The following SLC4A4 variants were observed in gnomAD, a reference collection of about 807,000 sequenced individuals.
SLC4A4 encodes solute carrier family 4 member 4.
In SLC4A4, 27 loss-of-function variants were observed where a neutral mutation model predicts 111.5. The observed-to-expected ratio is 0.24, with a 90% CI of 0.18 to 0.33. The LOEUF (loss-of-function observed/expected upper bound fraction) is 0.33. Among genes scored for constraint, SLC4A4 ranks in the 10% least tolerant of loss-of-function variants. The probability of loss-of-function intolerance (pLI) is 1.00; values close to 1 mark genes in which losing one functional copy is unlikely to be tolerated. For missense variants in SLC4A4, 909 were observed against 1,315.5 expected, an observed-to-expected ratio of 0.69 and a Z score of 4.78; for synonymous variants, 443 against 463.4, an observed-to-expected ratio of 0.96 and a Z score of 0.57.
chr4:71,371,818 G>A (rs946254300), intron 6 of SLC4A4, among the ~76,000 whole-genome samples: 1 of 152,088 alleles, frequency 6.6e-6, no homozygotes, highest in African/African-American at 2.4e-5. Context: ...GTCTCCTCTG[G>A]TGCAGGTACT....
At chr4:71,468,991 A>G (rs1367438765) in intron 13 of SLC4A4, among the ~76,000 whole-genome samples, 1 of 152,000 alleles carries the variant, frequency 6.6e-6, no homozygotes, top group African/African-American at 2.4e-5. Context: ...AGGTTTTGAT[A>G]TTTGCCCTGT....
intron 4 of SLC4A4, among the ~76,000 whole-genome samples, chr4:71,349,031 A>G (rs1297148929): frequency 6.6e-6 from 1 of 152,178 alleles, no homozygotes; most frequent in African/African-American, 2.4e-5. Flanking sequence ...TTGCTTTCCC[A>G]TTTTCCTTTA....
At chr4:71,392,995 A>G (rs1416347702) in intron 6 of SLC4A4, among the ~76,000 whole-genome samples, 1 of 152,086 alleles carries the variant, frequency 6.6e-6, no homozygotes, top group Non-Finnish European at 1.5e-5. Context: ...TCTCAACAAA[A>G]TTGGCATACA....
chr4:71,211,605 A>G (rs1303566894), intron 1 of SLC4A4, among the ~76,000 whole-genome samples: 7 of 152,324 alleles, frequency 4.6e-5, no homozygotes, highest in South Asian at 2.1e-4. Context: ...CAGCTCCCCA[A>G]TGAATCTGAG....
chr4:71,100,181 G>A (rs887943315), intron 2 of SLC4A4, among the ~76,000 whole-genome samples: 3 of 152,140 alleles, frequency 2.0e-5, no homozygotes, highest in Non-Finnish European at 4.4e-5. Flanking sequence ...TATCCTTGAT[G>A]AATATAGATG....
At chr4:71,242,943 C>T (rs904694078) in intron 2 of SLC4A4, among the ~76,000 whole-genome samples, 39 of 152,154 alleles carry the variant, frequency 2.6e-4, no homozygotes, top group Non-Finnish European at 5.4e-4. Flanking sequence ...CCAAGGCTTA[C>T]TCTCTGTTTG....
At chr4:71,126,959 G>A (rs1743577629) in intron 2 of SLC4A4, among the ~76,000 whole-genome samples, 1 of 152,142 alleles carries the variant, frequency 6.6e-6, no homozygotes, top group African/African-American at 2.4e-5. Context: ...ATTCCTGGAA[G>A]CCATCCTCTA....
intron 3 of SLC4A4, among the ~76,000 whole-genome samples, chr4:71,285,977 A>G (rs1474748038): frequency 2.6e-5 from 4 of 152,122 alleles, no homozygotes; most frequent in African/African-American, 9.7e-5. Context: ...AGTGGTTCAC[A>G]CCTGTAATCC....
At chr4:71,116,868 G>T (rs888894558) in intron 2 of SLC4A4, among the ~76,000 whole-genome samples, 1 of 152,008 alleles carries the variant, frequency 6.6e-6, no homozygotes, top group Non-Finnish European at 1.5e-5. Flanking sequence ...GCTTGAACCC[G>T]GGAGGCGGAG....
intron 3 of SLC4A4, among the ~76,000 whole-genome samples, chr4:71,274,012 C>T (rs1372992273): frequency 6.6e-6 from 1 of 152,112 alleles, no homozygotes; most frequent in African/African-American, 2.4e-5. Flanking sequence ...GGGGCACTGA[C>T]CTAACACCGT....
chr4:71,391,035 C>T (rs998930926), intron 6 of SLC4A4, among the ~76,000 whole-genome samples: 4 of 151,846 alleles, frequency 2.6e-5, no homozygotes, highest in Non-Finnish European at 5.9e-5. Context: ...GTTTGTTATG[C>T]CAACAAAGGA....
intron 1 of SLC4A4, among the ~76,000 whole-genome samples, chr4:71,204,038 T>G (rs1415253660): frequency 6.6e-6 from 1 of 152,130 alleles, no homozygotes; most frequent in African/African-American, 2.4e-5. Context: ...AACCAAGTAG[T>G]TTTTCACCCA....
chr4:71,420,123 A>G (rs1409901641), intron 7 of SLC4A4, among the ~76,000 whole-genome samples: 2 of 152,232 alleles, frequency 1.3e-5, no homozygotes, highest in Non-Finnish European at 2.9e-5. Context: ...AGAATAACCA[A>G]TACAGAGAAG....
At chr4:71,367,092 T>C (rs1251572658) in intron 6 of SLC4A4, among the ~76,000 whole-genome samples, 3 of 152,206 alleles carry the variant, frequency 2.0e-5, no homozygotes, top group Non-Finnish European at 4.4e-5. Flanking sequence ...AGGCTCTGCC[T>C]CAATGGAGGC....
intron 14 of SLC4A4, among the ~76,000 whole-genome samples, chr4:71,484,775 C>T (rs531006047): frequency 6.6e-6 from 1 of 151,778 alleles, no homozygotes; most frequent in East Asian, 1.9e-4. Context: ...AATATTGATT[C>T]GTCTTATCCA....
intron 1 of SLC4A4, among the ~76,000 whole-genome samples, chr4:71,219,403 T>A (rs977991520): frequency 3.3e-5 from 5 of 152,208 alleles, no homozygotes; most frequent in Non-Finnish European, 7.4e-5. Flanking sequence ...TACTGAATAT[T>A]TTAAGCTCAC....
chr4:71,301,900 G>T (rs971151191), intron 3 of SLC4A4, among the ~76,000 whole-genome samples: 1 of 152,218 alleles, frequency 6.6e-6, no homozygotes, highest in Admixed American at 6.5e-5. Flanking sequence ...CTTAGGCAGA[G>T]AATCCTTGTC....
In SLC4A4 at chr4:71,306,758, T is replaced by G. The variant is rs187910592; in HGVS notation, c.254-32612T>G. On this transcript the variant is annotated intron_variant, in intron 3 of 25. Transcript: ENST00000264485. ...TGAGTTCATTTATTAGAGTGCCACT[T>G]CACAAATAACTCAGTTACCTGCAAA... Among the ~76,000 whole-genome samples the G allele has an allele frequency of 8.5e-5, 13 of 152,334 alleles. No homozygotes were observed. The East Asian group carries it at 1.9e-3, about 23-fold the overall frequency.
chr4:71,275,386 C>A (rs1400295960), intron 3 of SLC4A4, among the ~76,000 whole-genome samples: 1 of 152,164 alleles, frequency 6.6e-6, no homozygotes, highest in Non-Finnish European at 1.5e-5. Context: ...AAAGGCTTGT[C>A]ACTTTCTTTC....
Sources: gnomAD v4.1 joint callset for allele counts (sites outside exome capture counted in the v4.1 genomes callset) on GRCh38, gnomAD v4.1.1 for gene constraint, MANE v1.5 for transcripts, NCBI Gene and HGNC (gene_info 2026-07-23, HGNC 2026-07-21) for gene names.